MAPK11: variants seen among roughly 807,000 people sequenced by gnomAD.
MAPK11 encodes MAP kinase 11.
In MAPK11, 44 loss-of-function variants were observed where a neutral mutation model predicts 52.2. That is an observed-to-expected ratio of 0.84 (90% CI 0.66 to 1.08). MAPK11 has a LOEUF of 1.08. Among genes scored for constraint, MAPK11 ranks in the 50% least tolerant of loss-of-function variants. MAPK11 has a pLI of 0.00. For synonymous variants in MAPK11, 233 were observed against 206.3 expected, an observed-to-expected ratio of 1.13 and a Z score of -1.11; for missense variants, 436 against 494.7, an observed-to-expected ratio of 0.88 and a Z score of 1.13.
Position 50,270,125 on chromosome 22 carries a change from C to T in MAPK11, c.116+52G>A, listed in dbSNP as rs1478175190. On this transcript the variant is annotated intron_variant, in intron 1 of 11. Transcript: ENST00000330651. The surrounding 1 kb of genome is among the most constrained non-coding windows in gnomAD (Gnocchi z 6.3). Reference sequence around the variant, plus strand: ...CTCGCGCGGGCGAGGAGGGGACGCGCTCTCCGGCCCGGCCCGGCCCCCACC... The same window carrying T: ...CTCGCGCGGGCGAGGAGGGGACGCGTTCTCCGGCCCGGCCCGGCCCCCACC... 2 of 1,006,064 alleles carry T rather than the reference C, an allele frequency of 2.0e-6. No homozygotes were observed. The highest frequency in any genetic ancestry group is 4.4e-5 in the Admixed American group (1 of 22,872). 62.3% of individuals were successfully genotyped at this position (1,006,064 alleles called of 1,614,324 possible). A position where few individuals can be genotyped will look rare whatever the true frequency, so the allele number is the denominator to read the frequency against.
chr22:50,270,075 C>T lies in MAPK11; in HGVS notation c.116+102G>A. 2 of 403,366 alleles carry T rather than the reference C, an allele frequency of 5.0e-6. No homozygotes were observed. The highest frequency in any genetic ancestry group is 7.9e-6 in the Non-Finnish European group (2 of 252,422). The allele number at this position is 403,366 out of a possible 1,614,324, so 25.0% of individuals were successfully genotyped here. A position where few individuals can be genotyped will look rare whatever the true frequency, so the allele number is the denominator to read the frequency against. On this transcript the variant is annotated intron_variant, in intron 1 of 11. Transcript: ENST00000330651. The surrounding 1 kb of genome is among the most constrained non-coding windows in gnomAD (Gnocchi z 6.3). ...TTGGCGCCCGGGGGCGGAGGCAGGG[C>T]GAGGCCCCTCCCCACGCCGAGAACC...
At chr22:50,267,348 C>G in intron 4 of MAPK11, 23 bp downstream of exon 4, 1 of 1,597,742 alleles carries the variant, frequency 6.3e-7, no homozygotes, top group Non-Finnish European at 8.5e-7. Flanking sequence ...GCGAGAGGAC[C>G]CGCGAAGCCC....
rs758945230 is a variant in MAPK11, at chr22:50,270,217, C to T, written c.76G>A (p.Gly26Arg). The T allele has an allele frequency of 2.0e-6, 3 of 1,507,540 alleles. No individual in the cohort carries two copies. Among genetic ancestry groups the T allele is most frequent in the African/African-American group, 2.9e-5 (2 of 69,204 alleles). 93.4% of individuals were successfully genotyped at this position (1,507,540 alleles called of 1,614,324 possible). A position where few individuals can be genotyped will look rare whatever the true frequency, so the allele number is the denominator to read the frequency against. The change falls in exon 1 of 12, where the codon GGG becomes AGG. Residue 26 changes from glycine to arginine, a missense_variant. Transcript: ENST00000330651. This position sits in a 1 kb window ranked among gnomAD's most constrained non-coding sequence, Gnocchi z 6.3. Reference sequence around the variant, plus strand: ...GCGCCGGAGCCCACCGGGCGCAGCCCCTGCAGCCGCTGCGGCACCTCCCAC... The same window carrying T: ...GCGCCGGAGCCCACCGGGCGCAGCCTCTGCAGCCGCTGCGGCACCTCCCAC... The part of the protein sequence containing the change: ...TVWEVPQRLQ[G>R]LRPVGSGAYG...
chr22:50,264,867 C>T lies in MAPK11; in HGVS notation c.*81G>A. 2 of 1,147,374 alleles carry T rather than the reference C, an allele frequency of 1.7e-6. No individual in the cohort carries two copies. The highest frequency in any genetic ancestry group is 2.5e-6 in the Non-Finnish European group (2 of 793,424). The allele number at this position is 1,147,374 out of a possible 1,614,324, so 71.1% of individuals were successfully genotyped here. ...GTGACCATAGGAGTGTGGGAGGTGC[C>T]TCTCGAGGAAACCAGGCCAGCTGTG... On this transcript the variant is annotated 3_prime_UTR_variant, in exon 12 of 12. Coordinates refer to ENST00000330651, the MANE Select transcript of MAPK11 (RefSeq NM_002751.7).
Position 50,266,586 on chromosome 22 carries a change from G to A in MAPK11, c.636C>T (p.Ile212=). Residue 212 remains isoleucine, a synonymous_variant, in exon 8 of 12, where the codon ATC becomes ATT. Coordinates refer to ENST00000330651, the MANE Select transcript of MAPK11 (RefSeq NM_002751.7). ...CCTTGCCCTGGAGCAGCTCAGCCAT[G>A]ATGCAGCCCACGGACCAGATATCCA... The part of the protein sequence containing the change: ...QTVDIWSVGC[I]MAELLQGKAL... 3.9e-6 allele frequency: 6 copies of A among 1,525,976 alleles called. No individual in the cohort carries two copies. The highest frequency in any genetic ancestry group is 4.4e-6 in the Non-Finnish European group (5 of 1,137,950). The allele number at this position is 1,525,976 out of a possible 1,614,324, so 94.5% of individuals were successfully genotyped here.
Position 50,265,575 on chromosome 22 carries a change from T to G in MAPK11, c.841+7A>C. The G allele has an allele frequency of 6.2e-7, 1 of 1,612,158 alleles. No homozygotes were observed. Among genetic ancestry groups the G allele is most frequent in the Non-Finnish European group, 8.5e-7 (1 of 1,179,508 alleles). ...TGGAGCCCAGTCTAGCCCAGGGCAGTCCTCACCCAGGGGGTTGGCTCCACG... is the reference window on the plus strand; with the variant it reads ...TGGAGCCCAGTCTAGCCCAGGGCAGGCCTCACCCAGGGGGTTGGCTCCACG... On this transcript the variant is annotated splice_region_variant and intron_variant, in intron 10 of 11. Transcript: ENST00000330651.
In MAPK11 at chr22:50,267,686, C is replaced by CCCGGGCCACGCCCCCAGTG. The variant is rs2065276147; in HGVS notation, c.247-78_247-60dup. ...AACCCCCGGCTGTCGTTCAGCTCCC[C>CCCGGGCCACGCCCCCAGTG]CCGGGCCACGCCCCCAGTGCCAGGC... On this transcript the variant is annotated intron_variant, in intron 2 of 11. Transcript: ENST00000330651. 19 of 1,474,778 alleles carry CCCGGGCCACGCCCCCAGTG rather than the reference C, an allele frequency of 1.3e-5. No individual in the cohort carries two copies. In the East Asian group the frequency reaches 4.9e-4, roughly 38 times the overall value. The allele number at this position is 1,474,778 out of a possible 1,614,324, so 91.4% of individuals were successfully genotyped here.
chr22:50,266,780 C>A, intron 7 of MAPK11, 154 bp downstream of exon 7: 1 of 950,628 alleles, frequency 1.1e-6, no homozygotes, highest in Non-Finnish European at 1.6e-6. Context: ...AGGCCAGCAC[C>A]CATCATGCTC....
At position 50,265,040 on chromosome 22, in the gene MAPK11, G is replaced by A. The variant is rs200778748; in HGVS notation, c.1016-13C>T. On this transcript the variant is annotated splice_polypyrimidine_tract_variant and intron_variant, in intron 11 of 11. Transcript: ENST00000330651. Reference sequence around the variant, plus strand: ...TGGTAAGTGAGCTCTAGGAGGTGAAGGGAAAGGGTGAGCTTGTGCCTCCCA... The same window carrying A: ...TGGTAAGTGAGCTCTAGGAGGTGAAAGGAAAGGGTGAGCTTGTGCCTCCCA... 1 of 1,609,190 alleles carries A rather than the reference G, an allele frequency of 6.2e-7. No individual in the cohort carries two copies. The highest frequency in any genetic ancestry group is 8.5e-7 in the Non-Finnish European group (1 of 1,176,646).
At position 50,267,623 on chromosome 22, in the gene MAPK11, A is replaced by G; in HGVS notation, c.251T>C (p.Ile84Thr). 6.5e-7 allele frequency: 1 copy of G among 1,540,330 alleles called. No individual in the cohort carries two copies. The highest frequency in any genetic ancestry group is 8.7e-7 in the Non-Finnish European group (1 of 1,144,042). The part of the protein sequence containing the change: ...LLKHLKHENV[I>T]GLLDVFTPAT... ...CGGCGTGAAGACGTCCAGAAGCCCG[A>G]TGACCTAGGTGGCGGGGGGCGTCAG... Residue 84 changes from isoleucine to threonine, a missense_variant, in exon 3 of 12, where the codon ATC becomes ACC. Coordinates refer to ENST00000330651, the MANE Select transcript of MAPK11 (RefSeq NM_002751.7).
In MAPK11 at chr22:50,265,343, C is replaced by A; in HGVS notation, c.993G>T (p.Glu331Asp). 1 of 1,613,298 alleles carries A rather than the reference C, an allele frequency of 6.2e-7. No homozygotes were observed. Among genetic ancestry groups the A allele is most frequent in the Middle Eastern group, 1.6e-4 (1 of 6,062 alleles). Residue 331 changes from glutamate to aspartate, a missense_variant, in exon 11 of 12, where the codon GAG (glutamate) becomes GAT (aspartate). By Grantham distance (45) the Glu-to-Asp change is conservative. Transcript: ENST00000330651. ...CACCCTTCCACTCCTCCAGCGTGCG[C>A]TCCTTGGCCTCAACGCTCTCATCAT... ...EPYDESVEAK[E>D]RTLEEWKELT...
At chr22:50,269,639 G>C (rs569066175) in intron 1 of MAPK11, among the ~76,000 whole-genome samples, 7 of 152,232 alleles carry the variant, frequency 4.6e-5, no homozygotes, top group Admixed American at 2.6e-4. Flanking sequence ...CCCCAGGCCA[G>C]GTCCTCTGGC....
rs755430835 is a variant in MAPK11, at chr22:50,267,226, G to C, written c.447+31C>G. On this transcript the variant is annotated intron_variant, in intron 5 of 11. Transcript: ENST00000330651. ...AGGAGGCTGGGACGGAGCCCTGCTG[G>C]ACCCGACCCTCACCCTGCGGTCGCA... is the stretch of plus-strand genomic sequence containing the variant. 8.1e-6 allele frequency: 13 copies of C among 1,608,772 alleles called. No homozygotes were observed. In the South Asian group the frequency reaches 1.3e-4, roughly 16 times the overall value.
At chr22:50,266,084 G>C in intron 9 of MAPK11, 142 bp downstream of exon 9, 1 of 666,706 alleles carries the variant, frequency 1.5e-6, no homozygotes. Context: ...CCCCTGCAGG[G>C]ATTGGGCACC....
At position 50,266,873 on chromosome 22, in the gene MAPK11, A is replaced by G. The variant is rs559684455; in HGVS notation, c.610+61T>C. 2.7e-6 allele frequency: 4 copies of G among 1,486,530 alleles called. No homozygotes were observed. In the African/African-American group the frequency reaches 5.5e-5, roughly 20 times the overall value. 92.1% of individuals were successfully genotyped at this position (1,486,530 alleles called of 1,614,324 possible). A position where few individuals can be genotyped will look rare whatever the true frequency, so the allele number is the denominator to read the frequency against. ...CTGCCCCCTAAGACCTGGCATGCAG[A>G]GCCAGTCGAGGGCCAGACGAGGCCC... On this transcript the variant is annotated intron_variant, in intron 7 of 11. Coordinates refer to ENST00000330651, the MANE Select transcript of MAPK11 (RefSeq NM_002751.7).
intron 2 of MAPK11, 52 bp from the exon 3 acceptor site, chr22:50,267,679 A>T: frequency 6.7e-7 from 1 of 1,485,806 alleles, no homozygotes; most frequent in Non-Finnish European, 8.9e-7. Flanking sequence ...GCTGTCGTTC[A>T]GCTCCCCCCG....
chr22:50,267,029 G>A lies in MAPK11; in HGVS notation c.515C>T (p.Ala172Val). 1.9e-6 allele frequency: 3 copies of A among 1,612,124 alleles called. No homozygotes were observed. The highest frequency in any genetic ancestry group is 2.5e-6 in the Non-Finnish European group (3 of 1,179,544). ...GGTCATCTCCTCGTCCGCCTGGCGCGCCAGCCCAAAATCCAGGATCTGGGG... is the reference window on the plus strand; with the variant it reads ...GGTCATCTCCTCGTCCGCCTGGCGCACCAGCCCAAAATCCAGGATCTGGGG... ...CELRILDFGL[A>V]RQADEEMTGY... The change falls in exon 7 of 12, where the codon GCG (alanine) becomes GTG (valine). Residue 172 changes from alanine (A) to valine (V), a missense_variant. Coordinates refer to ENST00000330651, the MANE Select transcript of MAPK11 (RefSeq NM_002751.7).
chr22:50,268,079 C>T (rs1304424795), intron 1 of MAPK11, 130 bp from the exon 2 acceptor site: 37 of 1,112,218 alleles, frequency 3.3e-5, no homozygotes, highest in Non-Finnish European at 4.1e-5. Context: ...GCCCCGGCCC[C>T]GCCGCCCCAG....
At chr22:50,268,066 T>TCTGCCC (rs2147271611) in intron 1 of MAPK11, 117 bp from the exon 2 acceptor site, 1 of 1,084,672 alleles carries the variant, frequency 9.2e-7, no homozygotes, top group East Asian at 3.5e-5. Context: ...GTGGGGCTTT[T>TCTGCCC]CTGCCCCGGC....
Sources: gnomAD v4.1 joint callset for allele counts (sites outside exome capture counted in the v4.1 genomes callset) on GRCh38, gnomAD v4.1.1 for gene constraint, Gnocchi (gnomAD v3.1) non-coding constraint, MANE v1.5 for transcripts, NCBI Gene and HGNC (gene_info 2026-07-23, HGNC 2026-07-21) for gene names.